Variants in CSMD3 observed in about 807,000 individuals in gnomAD.
CSMD3 encodes CUB and Sushi multiple domains 3.
A neutral mutation model predicts 435.2 loss-of-function variants in CSMD3; 177 were observed. That is an observed-to-expected ratio of 0.41 (90% CI 0.36 to 0.46). CSMD3 has a LOEUF of 0.46. CSMD3 is among the 20% of genes least tolerant of loss of function. The pLI is 0.34. For missense variants in CSMD3, 4,265 were observed against 4,504.6 expected (o/e 0.95, Z 1.52); for synonymous variants, 1,656 against 1,520.5 (o/e 1.09, Z -2.07).
intron 5 of CSMD3, among the ~76,000 whole-genome samples, chr8:113,090,706 G>GC (rs1458330950): frequency 6.6e-6 from 1 of 151,996 alleles, no homozygotes; most frequent in Non-Finnish European, 1.5e-5. Flanking sequence ...TGCCTGTCTT[G>GC]TTATGCTTAC....
At chr8:112,707,617 A>T (rs1253111060) in intron 13 of CSMD3, among the ~76,000 whole-genome samples, 1 of 151,956 alleles carries the variant, frequency 6.6e-6, no homozygotes, top group Non-Finnish European at 1.5e-5. Flanking sequence ...TTTGGAGCTG[A>T]TTTCTTTCCT....
chr8:112,389,000 C>T (rs1563879315), intron 36 of CSMD3, among the ~76,000 whole-genome samples: 1 of 151,934 alleles, frequency 6.6e-6, no homozygotes, highest in Non-Finnish European at 1.5e-5. Context: ...ATATTGGTGT[C>T]CTAGGATCTA....
intron 7 of CSMD3, among the ~76,000 whole-genome samples, chr8:112,970,363 T>C (rs1587792412): frequency 1.6e-5 from 2 of 124,350 alleles, no homozygotes; most frequent in South Asian, 2.6e-4. Flanking sequence ...GCCACTGCAC[T>C]CCAGCTTGGG....
At chr8:112,250,889 A>T (rs2130208366) in intron 63 of CSMD3, among the ~76,000 whole-genome samples, 1 of 151,922 alleles carries the variant, frequency 6.6e-6, no homozygotes, top group East Asian at 1.9e-4. Context: ...AGACATGTTT[A>T]ATCAGTAAAC....
At chr8:112,755,736 T>A (rs2077683346) in intron 13 of CSMD3, among the ~76,000 whole-genome samples, 1 of 150,766 alleles carries the variant, frequency 6.6e-6, no homozygotes, top group Non-Finnish European at 1.5e-5. Context: ...ATATGCTTTA[T>A]ATTTAAATGA....
At chr8:112,297,262 A>G (rs897457429) in intron 53 of CSMD3, among the ~76,000 whole-genome samples, 1 of 151,262 alleles carries the variant, frequency 6.6e-6, no homozygotes, top group African/African-American at 2.4e-5. Context: ...AAAAAAAAAA[A>G]AAAATTAAAA....
At chr8:112,893,139 A>T (rs1234083338) in intron 10 of CSMD3, among the ~76,000 whole-genome samples, 1 of 151,326 alleles carries the variant, frequency 6.6e-6, no homozygotes, top group Non-Finnish European at 1.5e-5. Flanking sequence ...TACTACTACT[A>T]TCAGCTTAAT....
intron 4 of CSMD3, among the ~76,000 whole-genome samples, chr8:113,150,304 G>T (rs2131779602): frequency 6.6e-6 from 1 of 152,024 alleles, no homozygotes. Flanking sequence ...GATTATCCTT[G>T]GTGGGCCTGA....
rs1454553625 is a variant in CSMD3, at chr8:112,898,740, A to AT, written c.1633+22886dup. Among the ~76,000 whole-genome samples the AT allele has an allele frequency of 2.0e-5, 3 of 151,362 alleles. No individual in the cohort carries two copies. The East Asian group carries it at 5.9e-4, about 30-fold the overall frequency. ...TATTTTCATACAAAATTACAGAAAA[A>AT]TTTTATTTTTAAAATCACAGTATGT... On this transcript the variant is annotated intron_variant, in intron 10 of 70. Coordinates refer to ENST00000297405, the MANE Select transcript of CSMD3 (RefSeq NM_198123.2).
At chr8:112,613,436 A>C in intron 22 of CSMD3, among the ~76,000 whole-genome samples, 1 of 152,314 alleles carries the variant, frequency 6.6e-6, no homozygotes, top group East Asian at 1.9e-4. Context: ...AATACCTTAA[A>C]ATATTAATTC....
intron 5 of CSMD3, among the ~76,000 whole-genome samples, chr8:113,051,835 G>C (rs544707243): frequency 6.6e-6 from 1 of 152,276 alleles, no homozygotes; most frequent in South Asian, 2.1e-4. Context: ...TCAATGAAAA[G>C]TCATCACTTT....
At chr8:113,012,401 T>A (rs1414286249) in intron 6 of CSMD3, among the ~76,000 whole-genome samples, 1 of 151,938 alleles carries the variant, frequency 6.6e-6, no homozygotes, top group Non-Finnish European at 1.5e-5. Context: ...ATGTCTAATA[T>A]GGTTTGGCTC....
At chr8:112,353,651 C>T (rs1303501101) in intron 38 of CSMD3, among the ~76,000 whole-genome samples, 4 of 151,948 alleles carry the variant, frequency 2.6e-5, no homozygotes, top group African/African-American at 9.7e-5. Flanking sequence ...AAGATAGTAT[C>T]AGTGAGAAAC....
intron 10 of CSMD3, among the ~76,000 whole-genome samples, chr8:112,900,387 A>G (rs1479865493): frequency 6.6e-6 from 1 of 151,320 alleles, no homozygotes; most frequent in African/African-American, 2.4e-5. Context: ...AGTCTGGAGC[A>G]ATAGGACAGG....
At chr8:112,903,964 C>G (rs1310543208) in intron 10 of CSMD3, among the ~76,000 whole-genome samples, 1 of 151,316 alleles carries the variant, frequency 6.6e-6, no homozygotes, top group Non-Finnish European at 1.5e-5. Context: ...GGGAAACTCA[C>G]AGTTTTCTAG....
chr8:112,254,254 T>C lies in CSMD3; in HGVS notation c.10109A>G (p.Gln3370Arg). Residue 3370 changes from glutamine to arginine, a missense_variant and splice_region_variant, in exon 63 of 71, where the codon CAA becomes CGA. Gln to Arg is a conservative substitution (Grantham distance 43, BLOSUM62 1). This residue lies in a region of CSMD3 where 3,255 missense variants were observed against 3,380.2 expected (regional missense o/e 0.96). Coordinates refer to ENST00000297405, the MANE Select transcript of CSMD3 (RefSeq NM_198123.2). Reference protein sequence around the residue: ...HGSQNNTFGFQVGSVVQFHCK... With the variant: ...HGSQNNTFGFRVGSVVQFHCK... The stretch of plus-strand genomic sequence containing the variant: ...AATGGACATAGCTAAAGTACCCACT[T>C]GAAATCCGAATGTATTGTTCTGAGA... The C allele has an allele frequency of 6.2e-7, 1 of 1,610,694 alleles. No homozygotes were observed. Among genetic ancestry groups the C allele is most frequent in the Non-Finnish European group, 8.5e-7 (1 of 1,177,162 alleles).
At chr8:112,572,512 A>G (rs1829614205) in intron 24 of CSMD3, among the ~76,000 whole-genome samples, 1 of 152,104 alleles carries the variant, frequency 6.6e-6, no homozygotes, top group South Asian at 2.1e-4. Flanking sequence ...AAGATCCTAT[A>G]TGATTATCTT....
At chr8:112,864,990 G>C (rs1456757306) in intron 10 of CSMD3, among the ~76,000 whole-genome samples, 1 of 152,142 alleles carries the variant, frequency 6.6e-6, no homozygotes, top group Non-Finnish European at 1.5e-5. Flanking sequence ...AGTCCTGTTT[G>C]TGGAATAAAA....
At chr8:112,310,635 A>G (rs1464931299) in intron 50 of CSMD3, 1 of 364,928 alleles carries the variant, frequency 2.7e-6, no homozygotes, top group African/African-American at 2.1e-5. Flanking sequence ...CTTATTCTCT[A>G]TTACCTCTCT....
Sources: allele counts gnomAD v4.1 joint callset (sites outside exome capture counted in the v4.1 genomes callset), GRCh38; gene constraint gnomAD v4.1.1; regional missense constraint gnomAD v4.1.1; transcripts MANE v1.5; gene names NCBI Gene and HGNC (gene_info 2026-07-23, HGNC 2026-07-21).